The following PRDM10 variants were observed in gnomAD, a reference collection of about 807,000 sequenced individuals.
The protein encoded by PRDM10 is PR/SET domain 10, also known as PR domain zinc finger protein 10.
Under a neutral mutation model 133.1 loss-of-function variants are expected in PRDM10, and 65 were observed. The ratio of observed to expected loss-of-function variants is 0.49; its 90% confidence interval spans 0.40 to 0.60. The LOEUF is 0.60. Among genes scored for constraint, PRDM10 ranks in the 20% least tolerant of loss-of-function variants. The pLI is 0.00. For missense variants in PRDM10, 1,137 were observed against 1,507.1 expected, an observed-to-expected ratio of 0.75 and a Z score of 4.07; for synonymous variants, 582 against 580.4, an observed-to-expected ratio of 1.00 and a Z score of -0.04.
intron 1 of PRDM10, among the ~76,000 whole-genome samples, chr11:129,979,836 C>T (rs1938005265): frequency 6.6e-6 from 1 of 152,182 alleles, no homozygotes; most frequent in Non-Finnish European, 1.5e-5. Flanking sequence ...TCCTTTACCT[C>T]CTCCGCCCCA....
In PRDM10 at chr11:129,914,808, G is replaced by A. The variant is rs1289515937; in HGVS notation, c.2737C>T (p.Pro913Ser). The A allele has an allele frequency of 1.9e-6, 3 of 1,614,082 alleles. No homozygotes were observed. Among genetic ancestry groups the A allele is most frequent in the African/African-American group, 1.3e-5 (1 of 74,918 alleles). ...SQTLTTDYRT[P>S]QGDYQRIQYI... The stretch of plus-strand genomic sequence containing the variant: ...TGAATTCTCTGGTAATCCCCTTGTG[G>A]CGTTCGGTAGTCTGTCGTTAAGGTC... The change falls in exon 17 of 21, where the codon CCA becomes TCA. Residue 913 changes from proline (P) to serine (S), a missense_variant. Physicochemically the swap from Pro to Ser is moderately conservative, Grantham distance 74. Around this residue, in one of 6 missense-constraint regions of PRDM10, gnomAD observed 113 missense variants for 143.7 expected, o/e 0.79. Transcript: ENST00000360871.
At chr11:129,907,185 T>A (rs1428902679) in intron 19 of PRDM10, among the ~76,000 whole-genome samples, 1 of 152,078 alleles carries the variant, frequency 6.6e-6, no homozygotes, top group East Asian at 1.9e-4. Context: ...GTAGCTCAAA[T>A]TGCCAGTCTA....
intron 19 of PRDM10, 95 bp downstream of exon 19, chr11:129,910,381 A>G: frequency 1.3e-6 from 2 of 1,527,302 alleles, no homozygotes; most frequent in African/African-American, 1.4e-5. Context: ...TGGCCAAGAG[A>G]TACTTTAAAA....
At chr11:129,976,650 A>G (rs1307895119) in intron 1 of PRDM10, among the ~76,000 whole-genome samples, 2 of 152,224 alleles carry the variant, frequency 1.3e-5, no homozygotes, top group African/African-American at 2.4e-5. Context: ...AAGAAGAATG[A>G]AAATAAAGAG....
chr11:129,995,981 A>AG (rs1164126324), intron 1 of PRDM10, among the ~76,000 whole-genome samples: 1 of 152,068 alleles, frequency 6.6e-6, no homozygotes, highest in Non-Finnish European at 1.5e-5. Context: ...AGAAAAAAAA[A>AG]GGGAGGAAAA....
intron 11 of PRDM10, among the ~76,000 whole-genome samples, chr11:129,927,270 A>G (rs953123422): frequency 1.1e-4 from 17 of 149,530 alleles, no homozygotes; most frequent in Middle Eastern, 3.7e-3. Flanking sequence ...TGTGTAGTTC[A>G]GTAGCCACCT....
intron 1 of PRDM10, among the ~76,000 whole-genome samples, chr11:130,002,073 A>C (rs1486310120): frequency 6.7e-6 from 1 of 148,150 alleles, no homozygotes; most frequent in African/African-American, 2.5e-5. Context: ...ATCGAACAGG[A>C]CCCTCCGCCC....
intron 4 of PRDM10, among the ~76,000 whole-genome samples, chr11:129,951,225 C>CA (rs1951573712): frequency 6.6e-6 from 1 of 152,180 alleles, no homozygotes; most frequent in Admixed American, 6.5e-5. Flanking sequence ...ATTTGAATCC[C>CA]TCTGAGGCCA....
Position 129,918,640 on chromosome 11 carries a change from G to A in PRDM10, c.2113C>T (p.Arg705Cys), listed in dbSNP as rs755825864. The change falls in exon 14 of 21, where the codon CGC becomes TGC. Residue 705 changes from arginine (R) to cysteine (C), a missense_variant. Coordinates refer to ENST00000360871, the MANE Select transcript of PRDM10 (RefSeq NM_199437.2). The surrounding 1 kb of genome is among the most constrained non-coding windows in gnomAD (Gnocchi z 5.3). Reference protein sequence around the residue: ...REAKKADRISRSKTFKPRITS... With the variant: ...REAKKADRISCSKTFKPRITS... The stretch of plus-strand genomic sequence containing the variant: ...ATGCGGGGCTTGAACGTCTTGGAGC[G>A]GCTGATGCGGTCGGCTTTCTTGGCC... 1.2e-5 allele frequency: 20 copies of A among 1,614,026 alleles called. No individual in the cohort carries two copies. The highest frequency in any genetic ancestry group is 2.2e-5 in the East Asian group (1 of 44,888).
chr11:129,989,601 G>C (rs931521643), intron 1 of PRDM10, among the ~76,000 whole-genome samples: 4 of 152,202 alleles, frequency 2.6e-5, no homozygotes, highest in Middle Eastern at 3.4e-3. Context: ...GTTCTGGGTG[G>C]TACCTATGAC....
intron 1 of PRDM10, among the ~76,000 whole-genome samples, chr11:129,992,046 T>C (rs1938787323): frequency 6.6e-6 from 1 of 152,188 alleles, no homozygotes; most frequent in African/African-American, 2.4e-5. Context: ...AATAGAAGCA[T>C]TCCTGTTTAG....
At position 129,915,863 on chromosome 11, in the gene PRDM10, G is replaced by A. The variant is rs1374551811; in HGVS notation, c.2326-3C>T. On this transcript the variant is annotated splice_region_variant and splice_polypyrimidine_tract_variant and intron_variant, in intron 15 of 20. Coordinates refer to ENST00000360871, the MANE Select transcript of PRDM10 (RefSeq NM_199437.2). ...CGCTTGCTGGCACTTTTATAAACCT[G>A]CAAATGTAAGCGCCTTGCCATGAAA... 6.2e-7 allele frequency: 1 copy of A among 1,612,504 alleles called. No individual in the cohort carries two copies. The highest frequency in any genetic ancestry group is 1.7e-5 in the Admixed American group (1 of 59,704).
chr11:129,971,479 CAG>C (rs554272389), intron 1 of PRDM10, among the ~76,000 whole-genome samples: 2 of 152,174 alleles, frequency 1.3e-5, no homozygotes, highest in Non-Finnish European at 2.9e-5. Flanking sequence ...CAGCTAGATA[CAG>C]AGTGTCCATT....
chr11:129,942,889 C>T lies in PRDM10; in HGVS notation c.763-260G>A, dbSNP rs1591639361. On this transcript the variant is annotated intron_variant, in intron 6 of 20. Coordinates refer to ENST00000360871, the MANE Select transcript of PRDM10 (RefSeq NM_199437.2). ...TTGCATAGCTTTAGTTAATATTTCACAAAACATGATAAAAATGCTATAAAT... is the reference window on the plus strand; with the variant it reads ...TTGCATAGCTTTAGTTAATATTTCATAAAACATGATAAAAATGCTATAAAT... Among the ~76,000 whole-genome samples the T allele has an allele frequency of 2.0e-5, 3 of 152,256 alleles. No homozygotes were observed. In the South Asian group the frequency reaches 6.2e-4, roughly 32 times the overall value.
chr11:129,987,245 C>A (rs1407736071), intron 1 of PRDM10, among the ~76,000 whole-genome samples: 1 of 152,254 alleles, frequency 6.6e-6, no homozygotes, highest in East Asian at 1.9e-4. Flanking sequence ...ACAATAAAGG[C>A]AACAGCTTTC....
intron 4 of PRDM10, among the ~76,000 whole-genome samples, chr11:129,955,046 G>C (rs1164813362): frequency 6.6e-6 from 1 of 152,118 alleles, no homozygotes; most frequent in African/African-American, 2.4e-5. Context: ...CAGAAATGAA[G>C]GTAATGGGAA....
chr11:129,916,524 G>A (rs1446315370), intron 15 of PRDM10, among the ~76,000 whole-genome samples: 2 of 152,220 alleles, frequency 1.3e-5, no homozygotes, highest in Non-Finnish European at 1.5e-5. Context: ...TGTAATCCCA[G>A]CTACTCCAGA....
intron 1 of PRDM10, among the ~76,000 whole-genome samples, chr11:129,964,624 T>C (rs55746218): frequency 0.053 from 8,096 of 152,356 alleles, 319 homozygotes; most frequent in Non-Finnish European, 0.079. Context: ...GTTCCATATA[T>C]ATACAGACAT....
At chr11:129,920,504 G>A (rs913022516) in intron 13 of PRDM10, among the ~76,000 whole-genome samples, 1 of 151,902 alleles carries the variant, frequency 6.6e-6, no homozygotes, top group Non-Finnish European at 1.5e-5. Flanking sequence ...CCACTGCCTC[G>A]GCCTGAATTA....
Sources: gnomAD v4.1 joint callset for allele counts (sites outside exome capture counted in the v4.1 genomes callset) on GRCh38, gnomAD v4.1.1 for gene constraint, gnomAD v4.1.1 regional missense constraint, Gnocchi (gnomAD v3.1) non-coding constraint, MANE v1.5 for transcripts, NCBI Gene and HGNC (gene_info 2026-07-23, HGNC 2026-07-21) for gene names.